CUX1: variants seen among roughly 807,000 people sequenced by gnomAD.
CUX1 encodes cut like homeobox 1, also known as protein CASP.
A neutral mutation model predicts 158.8 loss-of-function variants in CUX1; 31 were observed. The observed-to-expected ratio is 0.20, with a 90% CI of 0.15 to 0.26. The LOEUF (loss-of-function observed/expected upper bound fraction) is 0.26. CUX1 is among the 10% of genes least tolerant of loss of function. The pLI is 1.00. For missense variants in CUX1, 1,589 were observed against 2,014.6 expected (o/e 0.79, Z 4.04); for synonymous variants, 879 against 862.1 (o/e 1.02, Z -0.34).
At chr7:102,262,575 C>G (rs1039871605), downstream of CUX1, among the ~76,000 whole-genome samples, 2 of 152,234 alleles carry the variant, frequency 1.3e-5, no homozygotes, top group Non-Finnish European at 2.9e-5. Flanking sequence ...GCTGGCCCTG[C>G]CAGGGTCTTG....
chr7:102,016,358 A>G (rs1316633805), intron 2 of CUX1, among the ~76,000 whole-genome samples: 1 of 152,208 alleles, frequency 6.6e-6, no homozygotes, highest in Non-Finnish European at 1.5e-5. Flanking sequence ...CTGCCACACA[A>G]CAGAGGCCCA....
chr7:101,976,900 AT>A (rs10643207), intron 2 of CUX1, among the ~76,000 whole-genome samples: 254 of 39,448 alleles, frequency 6.4e-3, no homozygotes, highest in Middle Eastern at 0.029. Context: ...TCCCTTTCTG[AT>A]TTTTTTTTTT....
intron 19 of CUX1, chr7:102,280,192 C>G (rs1052967606): frequency 5.0e-6 from 5 of 1,004,158 alleles, no homozygotes; most frequent in Non-Finnish European, 7.7e-6. Context: ...CCCCCCATCA[C>G]TTGGCCCCTA....
intron 2 of CUX1, among the ~76,000 whole-genome samples, chr7:101,971,100 A>G (rs1455049769): frequency 2.6e-5 from 4 of 152,214 alleles, no homozygotes; most frequent in Non-Finnish European, 5.9e-5. Context: ...CCCATTTTCC[A>G]TCTGGGGAGA....
At chr7:102,015,553 A>G (rs747705138) in intron 2 of CUX1, among the ~76,000 whole-genome samples, 4 of 152,146 alleles carry the variant, frequency 2.6e-5, no homozygotes, top group Non-Finnish European at 5.9e-5. Context: ...ATTTAAAGAC[A>G]AAGGAAAAAG....
At chr7:102,160,875 G>A (rs1469793796) in intron 9 of CUX1, among the ~76,000 whole-genome samples, 3 of 152,172 alleles carry the variant, frequency 2.0e-5, no homozygotes, top group African/African-American at 7.2e-5. Context: ...GCACAACCAC[G>A]TAAACGTCCT....
intron 2 of CUX1, among the ~76,000 whole-genome samples, chr7:101,952,655 T>C (rs979309434): frequency 6.6e-6 from 1 of 152,164 alleles, no homozygotes; most frequent in African/African-American, 2.4e-5. Flanking sequence ...AAACGTGCCA[T>C]TGTTTCTCCC....
Position 101,984,450 on chromosome 7 carries a change from C to T in CUX1, c.142-43648C>T, listed in dbSNP as rs142604908. ...CAAAGGACGGTGTAAATATTCTCTT[C>T]CGTGCTTCGTAGATTTCATTTTTGA... On this transcript the variant is annotated intron_variant, in intron 2 of 23. Transcript: ENST00000292535. 4.8e-3 allele frequency among the ~76,000 whole-genome samples: 719 copies of T among 150,708 alleles called. 8 individuals carry two copies. Among genetic ancestry groups the T allele is most frequent in the African/African-American group, 0.016 (673 of 40,828 alleles).
At chr7:102,010,422 C>T (rs1337498645) in intron 2 of CUX1, among the ~76,000 whole-genome samples, 2 of 145,428 alleles carry the variant, frequency 1.4e-5, no homozygotes, top group African/African-American at 5.1e-5. Flanking sequence ...AAAAAACTGA[C>T]TTGGATATGT....
At chr7:101,964,790 G>A (rs1365887652) in intron 2 of CUX1, among the ~76,000 whole-genome samples, 4 of 152,174 alleles carry the variant, frequency 2.6e-5, no homozygotes, top group African/African-American at 7.2e-5. Context: ...CCTGCCTGGC[G>A]CTGGCCTTAA....
chr7:102,196,593 T>C lies in CUX1; in HGVS notation c.1223-41T>C, dbSNP rs782740015. ...TGGTCTTGGTTTTTTTTTCCCCCTT[T>C]GGAATCCCCCATAATGCATTCTGTT... On this transcript the variant is annotated intron_variant, in intron 14 of 23. Transcript: ENST00000292535. The C allele has an allele frequency of 9.9e-6, 14 of 1,419,560 alleles. No homozygotes were observed. The South Asian group carries it at 2.3e-4, about 24-fold the overall frequency. 87.9% of individuals were successfully genotyped at this position (1,419,560 alleles called of 1,614,324 possible).
chr7:102,024,411 C>T (rs1819747865), intron 2 of CUX1, among the ~76,000 whole-genome samples: 1 of 152,220 alleles, frequency 6.6e-6, no homozygotes, highest in East Asian at 1.9e-4. Context: ...ACTGCAGCCT[C>T]TGCCTCCGCG....
chr7:101,913,484 A>C, intron 1 of CUX1: 9 of 1,069,526 alleles, frequency 8.4e-6, no homozygotes, highest in African/African-American at 1.6e-5. Flanking sequence ...TTCCTCCTCC[A>C]CCAGGCAGGC....
At chr7:102,127,579 GT>G (rs112702274) in intron 8 of CUX1, among the ~76,000 whole-genome samples, 202 of 134,798 alleles carry the variant, frequency 1.5e-3, no homozygotes, top group Admixed American at 2.3e-3. Flanking sequence ...TTTTGTTTTT[GT>G]TTTTTTTTTT....
At chr7:101,986,438 C>T (rs1814304706) in intron 2 of CUX1, among the ~76,000 whole-genome samples, 1 of 152,202 alleles carries the variant, frequency 6.6e-6, no homozygotes, top group Non-Finnish European at 1.5e-5. Flanking sequence ...GAAACCTGTT[C>T]GTCTCATGAC....
intron 2 of CUX1, chr7:101,932,582 A>G (rs569630379): frequency 4.4e-6 from 2 of 455,698 alleles, no homozygotes; most frequent in East Asian, 1.4e-4. Flanking sequence ...AAGTGAAGAA[A>G]AATGAAGATT....
upstream of CUX1, chr7:101,816,178 C>T (rs1453141500): frequency 1.1e-5 from 7 of 640,414 alleles, no homozygotes. Flanking sequence ...CGGGCTGGCC[C>T]AGCCGCCGGG....
Position 102,253,606 on chromosome 7 carries a change from A to G in CUX1, c.*4564A>G. Reference sequence around the variant, plus strand: ...AATCTTACTGAAAAATAGCAGAGCCAGGGGAACAGACGCATGTCCTTCTGG... The same window carrying G: ...AATCTTACTGAAAAATAGCAGAGCCGGGGGAACAGACGCATGTCCTTCTGG... On this transcript the variant is annotated 3_prime_UTR_variant, in exon 24 of 24. Coordinates refer to ENST00000292535, the MANE Select transcript of CUX1 (RefSeq NM_181552.4). The G allele has an allele frequency of 1.1e-5, 11 of 985,500 alleles. No homozygotes were observed. The highest frequency in any genetic ancestry group is 1.3e-5 in the Non-Finnish European group (11 of 829,954). The allele number at this position is 985,500 out of a possible 1,614,324, so 61.0% of individuals were successfully genotyped here.
At chr7:101,825,032 T>C (rs920170581) in intron 1 of CUX1, among the ~76,000 whole-genome samples, 1 of 152,194 alleles carries the variant, frequency 6.6e-6, no homozygotes, top group Non-Finnish European at 1.5e-5. Flanking sequence ...CTGGGTCCAG[T>C]GAATTATTTC....
Sources: gnomAD v4.1 joint callset for allele counts (sites outside exome capture counted in the v4.1 genomes callset) on GRCh38, gnomAD v4.1.1 for gene constraint, MANE v1.5 for transcripts, NCBI Gene and HGNC (gene_info 2026-07-23, HGNC 2026-07-21) for gene names.